MARCHF1: variants seen among roughly 807,000 people sequenced by gnomAD.
MARCHF1 encodes the protein E3 ubiquitin-protein ligase MARCHF1.
In MARCHF1, 40 loss-of-function variants were observed where a neutral mutation model predicts 54.2. The observed-to-expected ratio is 0.74, with a 90% CI of 0.57 to 0.96. The LOEUF (loss-of-function observed/expected upper bound fraction) is 0.96, where lower values mean the gene tolerates loss of function less well. MARCHF1 is among the 40% of genes least tolerant of loss of function. The pLI, the probability that MARCHF1 is intolerant of heterozygous loss-of-function variation, is 0.00. For missense variants in MARCHF1, 586 were observed against 656.5 expected (o/e 0.89, Z 1.17); for synonymous variants, 236 against 236.3 (o/e 1.00, Z 0.01).
intron 5 of MARCHF1, among the ~76,000 whole-genome samples, chr4:163,638,462 T>C (rs531584538): frequency 3.3e-5 from 5 of 152,240 alleles, no homozygotes; most frequent in African/African-American, 7.2e-5. Context: ...TACTAACGCC[T>C]GCTTTGCCTA....
intron 1 of MARCHF1, among the ~76,000 whole-genome samples, chr4:164,212,314 A>G (rs1443271656): frequency 6.6e-6 from 1 of 152,138 alleles, no homozygotes; most frequent in East Asian, 1.9e-4. Flanking sequence ...TCAAGAGAGA[A>G]AAATGAGGCA....
intron 1 of MARCHF1, among the ~76,000 whole-genome samples, chr4:164,321,368 T>C (rs1409692389): frequency 1.3e-5 from 2 of 152,114 alleles, no homozygotes; most frequent in Non-Finnish European, 2.9e-5. Context: ...TGGATTCTGT[T>C]GAGACCTCCT....
At chr4:163,803,322 C>T (rs1206599801) in intron 4 of MARCHF1, among the ~76,000 whole-genome samples, 3 of 152,004 alleles carry the variant, frequency 2.0e-5, no homozygotes, top group South Asian at 2.1e-4. Context: ...TACAGGTGTG[C>T]GCCACCACGC....
intron 2 of MARCHF1, among the ~76,000 whole-genome samples, chr4:164,066,118 C>T (rs763639744): frequency 6.6e-6 from 1 of 152,080 alleles, no homozygotes; most frequent in Non-Finnish European, 1.5e-5. Context: ...TCAACCATCA[C>T]AGCATGCATC....
At position 164,113,391 on chromosome 4, in the gene MARCHF1, T is replaced by A. The variant is rs143223890; in HGVS notation, c.-322-1729A>T. ...GATGCTTTCTCTCTATATACATACC[T>A]TTCTAACATTTACATCCTTTTGTGT... On this transcript the variant is annotated intron_variant, in intron 1 of 9. Transcript: ENST00000514618. Among the ~76,000 whole-genome samples, 469 of 152,102 alleles carry A rather than the reference T, an allele frequency of 3.1e-3. 3 individuals are homozygous for A. The highest frequency in any genetic ancestry group is 0.016 in the South Asian group (78 of 4,822).
intron 2 of MARCHF1, among the ~76,000 whole-genome samples, chr4:164,040,708 T>C (rs1754110852): frequency 6.6e-6 from 1 of 151,974 alleles, no homozygotes; most frequent in Non-Finnish European, 1.5e-5. Context: ...TCCTCCTTAA[T>C]ACTCAAAATA....
chr4:164,055,321 A>G (rs1754466115), intron 2 of MARCHF1: 1 of 151,906 alleles, frequency 6.6e-6, no homozygotes, highest in Admixed American at 6.6e-5. Flanking sequence ...GCACACGTCT[A>G]TGATCCCAGC....
chr4:163,616,294 A>G (rs4234962), intron 5 of MARCHF1, among the ~76,000 whole-genome samples: 120,361 of 152,028 alleles, frequency 0.79, 48,331 homozygotes, highest in Non-Finnish European at 0.86. Context: ...AACAAAGAAA[A>G]CAATCAACGT....
At chr4:163,673,589 G>A (rs1316635636) in intron 5 of MARCHF1, among the ~76,000 whole-genome samples, 1 of 151,838 alleles carries the variant, frequency 6.6e-6, no homozygotes, top group Non-Finnish European at 1.5e-5. Flanking sequence ...AGGAAATGCA[G>A]GTGACAAAAA....
intron 1 of MARCHF1, among the ~76,000 whole-genome samples, chr4:164,210,463 T>C (rs1472514739): frequency 1.3e-5 from 2 of 152,136 alleles, no homozygotes; most frequent in Non-Finnish European, 1.5e-5. Context: ...GGAGTTCAGT[T>C]TGAGGCATAT....
chr4:164,039,444 T>C (rs1754078597), intron 2 of MARCHF1, among the ~76,000 whole-genome samples: 1 of 152,176 alleles, frequency 6.6e-6, no homozygotes, highest in African/African-American at 2.4e-5. Flanking sequence ...ATGTCCTTAA[T>C]TCAAGGAATC....
At chr4:164,025,693 C>T (rs1430425142) in intron 2 of MARCHF1, among the ~76,000 whole-genome samples, 1 of 149,804 alleles carries the variant, frequency 6.7e-6, no homozygotes, top group Non-Finnish European at 1.5e-5. Context: ...CAGCCAACCC[C>T]AAAGCTATAA....
chr4:164,144,019 T>A (rs961646894), intron 1 of MARCHF1, among the ~76,000 whole-genome samples: 13 of 152,154 alleles, frequency 8.5e-5, no homozygotes, highest in African/African-American at 2.7e-4. Flanking sequence ...GGGGTTGCAA[T>A]CCTAGTCTCT....
intron 4 of MARCHF1, among the ~76,000 whole-genome samples, chr4:163,724,582 G>A (rs2111303508): frequency 6.6e-6 from 1 of 152,322 alleles, no homozygotes; most frequent in East Asian, 1.9e-4. Flanking sequence ...GCTGCCTTTT[G>A]TTTGGCTATG....
intron 4 of MARCHF1, among the ~76,000 whole-genome samples, chr4:163,742,086 C>T (rs1478769849): frequency 1.3e-5 from 2 of 152,140 alleles, no homozygotes; most frequent in African/African-American, 4.8e-5. Context: ...AAAATATAGG[C>T]ACATTGGGGG....
At chr4:163,932,423 A>T (rs1014785921) in intron 3 of MARCHF1, 1 of 376,290 alleles carries the variant, frequency 2.7e-6, no homozygotes, top group South Asian at 2.2e-5. Flanking sequence ...AACTAAGTTT[A>T]TGTAATATTC....
chr4:164,280,164 C>T (rs900268924), intron 1 of MARCHF1, among the ~76,000 whole-genome samples: 1 of 151,866 alleles, frequency 6.6e-6, no homozygotes, highest in African/African-American at 2.4e-5. Flanking sequence ...TCAGTTAATA[C>T]TCTTCATAAT....
At chr4:163,858,948 G>A (rs1749844539) in intron 3 of MARCHF1, among the ~76,000 whole-genome samples, 1 of 152,116 alleles carries the variant, frequency 6.6e-6, no homozygotes, top group Non-Finnish European at 1.5e-5. Context: ...TGTCCTGGGG[G>A]TCTTTTTAAT....
chr4:164,002,687 A>G (rs1306464964), intron 2 of MARCHF1, among the ~76,000 whole-genome samples: 1 of 151,870 alleles, frequency 6.6e-6, no homozygotes, highest in East Asian at 1.9e-4. Flanking sequence ...ATGTATGATA[A>G]TTAAATCCAC....
Sources: allele counts gnomAD v4.1 joint callset (sites outside exome capture counted in the v4.1 genomes callset), GRCh38; gene constraint gnomAD v4.1.1; transcripts MANE v1.5; gene names NCBI Gene and HGNC (gene_info 2026-07-23, HGNC 2026-07-21).